Variants in KCNMA1 observed in about 807,000 individuals in gnomAD.
KCNMA1 encodes Calcium-activated potassium channel subunit alpha-1.
A neutral mutation model predicts 140.0 loss-of-function variants in KCNMA1; 29 were observed. The observed-to-expected ratio is 0.21, with a 90% CI of 0.15 to 0.28. The LOEUF (loss-of-function observed/expected upper bound fraction) is 0.28, where lower values mean the gene tolerates loss of function less well. KCNMA1 is among the 10% of genes least tolerant of loss of function. The pLI, the probability that KCNMA1 is intolerant of heterozygous loss-of-function variation, is 1.00. For synonymous variants in KCNMA1, 612 were observed against 611.9 expected (o/e 1.00, Z 0.00); for missense variants, 880 against 1,602.2 (o/e 0.55, Z 7.70).
intron 2 of KCNMA1, among the ~76,000 whole-genome samples, chr10:77,289,950 T>C (rs777548601): frequency 2.6e-5 from 4 of 152,230 alleles, no homozygotes; most frequent in South Asian, 2.1e-4. Context: ...GGCCACATCC[T>C]GTGGATTCTC....
chr10:77,208,135 G>A (rs372873090), intron 3 of KCNMA1, among the ~76,000 whole-genome samples: 3 of 152,220 alleles, frequency 2.0e-5, no homozygotes, highest in Admixed American at 6.5e-5. Context: ...CTGCGGATAC[G>A]CATCAGCTTA....
intron 1 of KCNMA1, among the ~76,000 whole-genome samples, chr10:77,410,771 G>A (rs1217451142): frequency 6.6e-6 from 1 of 152,164 alleles, no homozygotes; most frequent in Non-Finnish European, 1.5e-5. Flanking sequence ...CCGTCTCGGG[G>A]CTGTCTGCAC....
chr10:77,066,372 A>G (rs2095949008), intron 14 of KCNMA1, among the ~76,000 whole-genome samples: 1 of 152,130 alleles, frequency 6.6e-6, no homozygotes, highest in Admixed American at 6.5e-5. Context: ...CAAATAAATA[A>G]ATTTTTAAAA....
intron 1 of KCNMA1, among the ~76,000 whole-genome samples, chr10:77,572,930 C>G (rs1417458841): frequency 6.6e-6 from 1 of 151,996 alleles, no homozygotes. Context: ...GTCACACACA[C>G]TAACATTTCT....
At chr10:77,474,946 G>A (rs1177793065) in intron 1 of KCNMA1, among the ~76,000 whole-genome samples, 2 of 152,120 alleles carry the variant, frequency 1.3e-5, no homozygotes, top group African/African-American at 4.8e-5. Context: ...GGGTAGCAAG[G>A]GGCAGCCTCA....
intron 3 of KCNMA1, among the ~76,000 whole-genome samples, chr10:77,237,423 T>A (rs1276649939): frequency 2.0e-5 from 3 of 152,212 alleles, no homozygotes; most frequent in African/African-American, 2.4e-5. Context: ...AACCCTGGTG[T>A]TCACCACTAG....
chr10:77,141,877 A>G (rs562375336), intron 5 of KCNMA1, among the ~76,000 whole-genome samples: 27 of 152,342 alleles, frequency 1.8e-4, no homozygotes, highest in South Asian at 4.1e-4. Context: ...TTTCTTCTCA[A>G]TGTGGATTAG....
intron 1 of KCNMA1, among the ~76,000 whole-genome samples, chr10:77,424,017 G>A (rs1323210072): frequency 5.3e-5 from 8 of 152,232 alleles, no homozygotes; most frequent in Admixed American, 5.2e-4. Context: ...ATTCAGCTTG[G>A]CAGAGGAATG....
chr10:77,114,321 A>C (rs1477606040), intron 6 of KCNMA1, among the ~76,000 whole-genome samples: 1 of 152,194 alleles, frequency 6.6e-6, no homozygotes, highest in East Asian at 1.9e-4. Flanking sequence ...GTGACTCTGC[A>C]CTGAGTGCAC....
chr10:77,592,142 C>CAATA (rs1281194972), intron 1 of KCNMA1, among the ~76,000 whole-genome samples: 1 of 151,698 alleles, frequency 6.6e-6, no homozygotes, highest in African/African-American at 2.4e-5. Context: ...CAATCAATAG[C>CAATA]AATAAATAAA....
chr10:77,636,746 T>C (rs2093784708), intron 1 of KCNMA1: 2 of 1,485,378 alleles, frequency 1.3e-6, no homozygotes, highest in South Asian at 1.3e-5. Flanking sequence ...TGCAAAATTA[T>C]TCTCTCCCTT....
intron 9 of KCNMA1, among the ~76,000 whole-genome samples, chr10:77,106,416 G>T (rs1318777977): frequency 6.6e-6 from 1 of 152,134 alleles, no homozygotes; most frequent in Non-Finnish European, 1.5e-5. Context: ...TGACCGGATC[G>T]GACTGGGGGC....
chr10:77,394,310 A>G (rs922261439), intron 2 of KCNMA1, among the ~76,000 whole-genome samples: 5 of 152,190 alleles, frequency 3.3e-5, no homozygotes, highest in African/African-American at 1.2e-4. Flanking sequence ...AGAGGAGCCA[A>G]CACACCAGCT....
intron 2 of KCNMA1, among the ~76,000 whole-genome samples, chr10:77,342,102 A>G (rs1201909796): frequency 1.3e-5 from 2 of 152,164 alleles, no homozygotes; most frequent in African/African-American, 2.4e-5. Flanking sequence ...GCACCAAGGA[A>G]CAGACTCCTC....
intron 1 of KCNMA1, among the ~76,000 whole-genome samples, chr10:77,447,086 G>A (rs1039846108): frequency 2.0e-5 from 3 of 152,194 alleles, no homozygotes; most frequent in Non-Finnish European, 4.4e-5. Context: ...GCCCCCAGCT[G>A]TCGGTTCCTT....
chr10:77,469,295 C>A (rs2098102271), intron 1 of KCNMA1, among the ~76,000 whole-genome samples: 1 of 152,156 alleles, frequency 6.6e-6, no homozygotes, highest in Non-Finnish European at 1.5e-5. Context: ...CCTCTCCTTC[C>A]AGTTTATTGG....
chr10:77,270,374 G>A (rs1186089316), intron 2 of KCNMA1, among the ~76,000 whole-genome samples: 1 of 152,156 alleles, frequency 6.6e-6, no homozygotes, highest in Non-Finnish European at 1.5e-5. Context: ...ACTGGAGTGA[G>A]CTCAGCAAGA....
intron 19 of KCNMA1, among the ~76,000 whole-genome samples, chr10:77,000,328 AC>A (rs1395025425): frequency 6.6e-6 from 1 of 152,228 alleles, no homozygotes; most frequent in Non-Finnish European, 1.5e-5. Context: ...CTCCAGTGGA[AC>A]CACAGCCTTT....
chr10:76,953,144 C>T (rs75616950), intron 21 of KCNMA1, among the ~76,000 whole-genome samples: 3,027 of 152,220 alleles, frequency 0.02, 91 homozygotes, highest in African/African-American at 0.068. Flanking sequence ...CCCAGCCTCC[C>T]CAAGGGGACT....
Sources: gnomAD v4.1 joint callset for allele counts (sites outside exome capture counted in the v4.1 genomes callset) on GRCh38, gnomAD v4.1.1 for gene constraint, MANE v1.5 for transcripts, NCBI Gene and HGNC (gene_info 2026-07-23, HGNC 2026-07-21) for gene names.